Variants in TRIM13 observed in about 807,000 individuals in gnomAD.
The protein encoded by TRIM13 is E3 ubiquitin-protein ligase TRIM13.
Under a neutral mutation model 27.1 loss-of-function variants are expected in TRIM13, and 15 were observed. That is an observed-to-expected ratio of 0.55 (90% CI 0.37 to 0.85). The LOEUF (loss-of-function observed/expected upper bound fraction) is 0.85, where lower values mean the gene tolerates loss of function less well. TRIM13 is among the 40% of genes least tolerant of loss of function. The pLI is 0.00. For missense variants in TRIM13, 402 were observed against 472.2 expected (o/e 0.85, Z 1.38); for synonymous variants, 193 against 171.5 (o/e 1.13, Z -0.98).
Position 50,014,828 on chromosome 13 carries a change from G to A in TRIM13, c.*1664G>A, listed in dbSNP as rs1226987505. 2 of 166,516 alleles carry A rather than the reference G, an allele frequency of 1.2e-5. No individual in the cohort carries two copies. The highest frequency in any genetic ancestry group is 1.5e-5 in the Non-Finnish European group (1 of 68,034). 10.3% of individuals were successfully genotyped at this position (166,516 alleles called of 1,614,324 possible). On this transcript the variant is annotated 3_prime_UTR_variant, in exon 2 of 2. Transcript: ENST00000378182. The stretch of plus-strand genomic sequence containing the variant: ...CAGTCCTCCTCTAATTTGGTTGAGA[G>A]GAGGTAATGAAAATGGGGACAGGAT...
rs1461510652 is a variant in TRIM13, at chr13:50,013,311, A to G, written c.*147A>G. On this transcript the variant is annotated 3_prime_UTR_variant, in exon 2 of 2. Transcript: ENST00000378182. The stretch of plus-strand genomic sequence containing the variant: ...TAATCTATACATGTTCAAATTAGGT[A>G]GCATAAAGATAAAAGTGAAATTTAG... 5.9e-6 allele frequency: 5 copies of G among 853,744 alleles called. No homozygotes were observed. In the East Asian group the frequency reaches 1.2e-4, roughly 20 times the overall value. 52.9% of individuals were successfully genotyped at this position (853,744 alleles called of 1,614,324 possible).
In TRIM13 at chr13:50,015,734, A is replaced by G. The variant is rs1471743844; in HGVS notation, c.*2570A>G. The stretch of plus-strand genomic sequence containing the variant: ...ACCCACTGAATTTTCAGACTATCTT[A>G]GGCTTCAGAGAGAGGCTCTTTTCTA... On this transcript the variant is annotated 3_prime_UTR_variant, in exon 2 of 2. Coordinates refer to ENST00000378182, the MANE Select transcript of TRIM13 (RefSeq NM_213590.3). 16 of 1,614,004 alleles carry G rather than the reference A, an allele frequency of 9.9e-6. No individual in the cohort carries two copies. Among genetic ancestry groups the G allele is most frequent in the Admixed American group, 8.3e-5 (5 of 59,994 alleles).
chr13:50,015,518 T>C lies in TRIM13; in HGVS notation c.*2354T>C, dbSNP rs775677947. The stretch of plus-strand genomic sequence containing the variant: ...AATGAGTAGTCAGGAACTGGTCACT[T>C]TGAATGTGGGAGGGAAGATATTCAC... On this transcript the variant is annotated 3_prime_UTR_variant, in exon 2 of 2. Transcript: ENST00000378182. The C allele has an allele frequency of 1.2e-6, 2 of 1,613,390 alleles. No individual in the cohort carries two copies. Among genetic ancestry groups the C allele is most frequent in the Admixed American group, 1.7e-5 (1 of 59,936 alleles).
At chr13:50,011,872 A>G in intron 1 of TRIM13, 63 bp from the exon 2 acceptor site, 1 of 1,484,010 alleles carries the variant, frequency 6.7e-7, no homozygotes, top group Non-Finnish European at 9.0e-7. Context: ...ATTTCTTCTA[A>G]TTATTACATA....
intron 1 of TRIM13, among the ~76,000 whole-genome samples, chr13:50,006,136 T>TAAA (rs75416725): frequency 0.17 from 26,579 of 151,984 alleles, 2,673 homozygotes; most frequent in African/African-American, 0.26. Flanking sequence ...GCAATTTTTT[T>TAAA]GAAGATACTT....
At chr13:50,009,240 A>G (rs773008755) in intron 1 of TRIM13, among the ~76,000 whole-genome samples, 9 of 152,230 alleles carry the variant, frequency 5.9e-5, no homozygotes, top group Non-Finnish European at 1.0e-4. Context: ...ATGAATGGCT[A>G]TTTAATAGAA....
Position 50,012,108 on chromosome 13 carries a change from A to C in TRIM13, c.168A>C (p.Thr56=), listed in dbSNP as rs777850081. 6.2e-7 allele frequency: 1 copy of C among 1,614,176 alleles called. No homozygotes were observed. Among genetic ancestry groups the C allele is most frequent in the South Asian group, 1.1e-5 (1 of 91,090 alleles). The part of the protein sequence containing the change: ...LWRPAPFKCP[T]CRKETSATGI... ...GACCAGCTCCATTCAAGTGTCCTAC[A>C]TGCCGTAAGGAAACTTCAGCTACTG... The change falls in exon 2 of 2, where the codon ACA becomes ACC. Residue 56 remains threonine (T), a synonymous_variant. Coordinates refer to ENST00000378182, the MANE Select transcript of TRIM13 (RefSeq NM_213590.3).
intron 1 of TRIM13, among the ~76,000 whole-genome samples, chr13:50,002,947 C>G (rs1362737837): frequency 6.6e-6 from 1 of 152,108 alleles, no homozygotes; most frequent in Non-Finnish European, 1.5e-5. Flanking sequence ...ATGCATGAGC[C>G]AATGCACCTG....
intron 1 of TRIM13, among the ~76,000 whole-genome samples, chr13:50,005,628 T>G (rs1039886192): frequency 1.3e-5 from 2 of 150,136 alleles, no homozygotes; most frequent in African/African-American, 4.9e-5. Flanking sequence ...TGAGTTGTGA[T>G]TACACCACTG....
intron 1 of TRIM13, among the ~76,000 whole-genome samples, chr13:50,008,563 A>C (rs1180641549): frequency 6.6e-6 from 1 of 152,084 alleles, no homozygotes; most frequent in Non-Finnish European, 1.5e-5. Flanking sequence ...GCTTGAGCCC[A>C]GAAGTTTGAG....
At chr13:50,004,789 AAAAG>A (rs1287047835) in intron 1 of TRIM13, among the ~76,000 whole-genome samples, 3 of 151,520 alleles carry the variant, frequency 2.0e-5, no homozygotes, top group Admixed American at 6.6e-5. Context: ...TAAAAAAAAA[AAAAG>A]GGCCAGGTGC....
chr13:50,011,916 T>A lies in TRIM13; in HGVS notation c.-6-19T>A. Reference sequence around the variant, plus strand: ...GGTGACGGTTATTGGAGTAAAATAATTTTTTTTTTTTCTGGTAGGATGTGA... The same window carrying A: ...GGTGACGGTTATTGGAGTAAAATAAATTTTTTTTTTTCTGGTAGGATGTGA... On this transcript the variant is annotated intron_variant, in intron 1 of 1. Coordinates refer to ENST00000378182, the MANE Select transcript of TRIM13 (RefSeq NM_213590.3). 2 of 793,836 alleles carry A rather than the reference T, an allele frequency of 2.5e-6. No homozygotes were observed. The highest frequency in any genetic ancestry group is 3.5e-6 in the Non-Finnish European group (2 of 565,866). The allele number at this position is 793,836 out of a possible 1,614,324, so 49.2% of individuals were successfully genotyped here.
chr13:50,006,137 G>GAAAAA (rs58188167), intron 1 of TRIM13, among the ~76,000 whole-genome samples: 2 of 151,758 alleles, frequency 1.3e-5, no homozygotes, highest in Non-Finnish European at 2.9e-5. Flanking sequence ...CAATTTTTTT[G>GAAAAA]AAGATACTTT....
intron 1 of TRIM13, among the ~76,000 whole-genome samples, chr13:50,011,258 A>T (rs1375890481): frequency 6.6e-6 from 1 of 152,230 alleles, no homozygotes; most frequent in Non-Finnish European, 1.5e-5. Context: ...AGGGACATCC[A>T]GGTTTCTGCC....
chr13:50,013,275 C>G lies in TRIM13; in HGVS notation c.*111C>G. The G allele has an allele frequency of 8.7e-7, 1 of 1,143,528 alleles. No homozygotes were observed. The highest frequency in any genetic ancestry group is 3.1e-4 in the Middle Eastern group (1 of 3,214). The allele number at this position is 1,143,528 out of a possible 1,614,324, so 70.8% of individuals were successfully genotyped here. A position where few individuals can be genotyped will look rare whatever the true frequency, so the allele number is the denominator to read the frequency against. ...TCACATATTTTCCTCCAAAAGTATT[C>G]CTTCCAAAAATAATCTATACATGTT... On this transcript the variant is annotated 3_prime_UTR_variant, in exon 2 of 2. Transcript: ENST00000378182.
Position 50,016,407 on chromosome 13 carries a change from T to A in TRIM13, c.*3243T>A. 1 of 240,866 alleles carries A rather than the reference T, an allele frequency of 4.2e-6. No individual in the cohort carries two copies. The highest frequency in any genetic ancestry group is 8.7e-6 in the Non-Finnish European group (1 of 115,006). 14.9% of individuals were successfully genotyped at this position (240,866 alleles called of 1,614,324 possible). A position where few individuals can be genotyped will look rare whatever the true frequency, so the allele number is the denominator to read the frequency against. ...TTGACTTAGAAAAGAATTGCCTTAT[T>A]TTTAAGAGATTGTTTCAGTGGTTCA... On this transcript the variant is annotated 3_prime_UTR_variant, in exon 2 of 2. Transcript: ENST00000378182.
In TRIM13 at chr13:50,012,303, G is replaced by A. The variant is rs1463582243; in HGVS notation, c.363G>A (p.Gly121=). Residue 121 remains glycine (G), a synonymous_variant, in exon 2 of 2, where the codon GGG becomes GGA. Coordinates refer to ENST00000378182, the MANE Select transcript of TRIM13 (RefSeq NM_213590.3). The part of the protein sequence containing the change: ...QLICGICATR[G]EHTKHVFCSI... ...TTTGTGGGATCTGTGCTACTCGTGG[G>A]GAGCACACCAAACATGTCTTCTGTT... 4 of 1,614,110 alleles carry A rather than the reference G, an allele frequency of 2.5e-6. No individual in the cohort carries two copies. The highest frequency in any genetic ancestry group is 3.4e-6 in the Non-Finnish European group (4 of 1,179,998).
intron 1 of TRIM13, among the ~76,000 whole-genome samples, chr13:50,006,773 C>A (rs1874769434): frequency 6.6e-6 from 1 of 152,120 alleles, no homozygotes; most frequent in Admixed American, 6.5e-5. Flanking sequence ...TCAGAAAAAT[C>A]AGCTAATTAC....
chr13:50,016,372 G>T lies in TRIM13; in HGVS notation c.*3208G>T. ...ATAATTTTGTAGATTATGTTCCATT[G>T]CTAATGAATTTGACTTAGAAAAGAA... On this transcript the variant is annotated 3_prime_UTR_variant, in exon 2 of 2. Transcript: ENST00000378182. 1 of 291,642 alleles carries T rather than the reference G, an allele frequency of 3.4e-6. No homozygotes were observed. The highest frequency in any genetic ancestry group is 6.8e-6 in the Non-Finnish European group (1 of 147,094). The allele number at this position is 291,642 out of a possible 1,614,324, so 18.1% of individuals were successfully genotyped here.
Sources: gnomAD v4.1 joint callset for allele counts (sites outside exome capture counted in the v4.1 genomes callset) on GRCh38, gnomAD v4.1.1 for gene constraint, MANE v1.5 for transcripts, NCBI Gene and HGNC (gene_info 2026-07-23, HGNC 2026-07-21) for gene names.